Variants in THOC2 observed in about 807,000 individuals in gnomAD.
The protein encoded by THOC2 is THO complex subunit 2.
In THOC2, 10 loss-of-function variants were observed where a neutral mutation model predicts 128.4. The ratio of observed to expected loss-of-function variants is 0.08; its 90% CI spans 0.05 to 0.13. The LOEUF (loss-of-function observed/expected upper bound fraction) is 0.13, where lower values mean the gene tolerates loss of function less well. Ranked by LOEUF, THOC2 falls within the 10% of genes least tolerant of loss-of-function variation. The pLI is 1.00. For missense variants in THOC2, 535 were observed against 1,155.7 expected (o/e 0.46, Z 7.79); for synonymous variants, 393 against 396.9 (o/e 0.99, Z 0.12).
chrX:123,644,019 ATAAT>A (rs2048029877), intron 15 of THOC2, among the ~76,000 whole-genome samples: 1 of 112,630 alleles, frequency 8.9e-6, no homozygotes, highest in East Asian at 2.8e-4. Flanking sequence ...CATGATTTTC[ATAAT>A]TAAACTTCAA....
At chrX:123,685,014 T>A (rs905667394) in intron 8 of THOC2, among the ~76,000 whole-genome samples, 2 of 112,575 alleles carry the variant, frequency 1.8e-5, no homozygotes, top group African/African-American at 6.5e-5. Flanking sequence ...ACTAGCTGAC[T>A]ATCCCAGGCA....
At chrX:123,652,113 A>G (rs1051180761) in intron 12 of THOC2, among the ~76,000 whole-genome samples, 2 of 111,798 alleles carry the variant, frequency 1.8e-5, no homozygotes, top group Non-Finnish European at 3.8e-5. Flanking sequence ...CCGGGGATGC[A>G]AGGCTGGTTC....
In THOC2 at chrX:123,668,323, G is replaced by A; in HGVS notation, c.862-9C>T. Reference sequence around the variant, plus strand: ...TTATCAGCCGGAAGAAGCTAAAAATGGTACATTAAAATTTCATAAAATAGC... The same window carrying A: ...TTATCAGCCGGAAGAAGCTAAAAATAGTACATTAAAATTTCATAAAATAGC... On this transcript the variant is annotated splice_polypyrimidine_tract_variant and intron_variant, in intron 9 of 38. Transcript: ENST00000245838. 8.7e-7 allele frequency: 1 copy of A among 1,145,210 alleles called. No individual in the cohort carries two copies. The highest frequency in any genetic ancestry group is 1.2e-6 in the Non-Finnish European group (1 of 857,463). The allele number at this position is 1,145,210 out of a possible 1,213,427, so 94.4% of individuals were successfully genotyped here.
At chrX:123,696,526 C>A (rs1411615179) in intron 6 of THOC2, among the ~76,000 whole-genome samples, 195 bp downstream of exon 6, 1 of 111,071 alleles carries the variant, frequency 9.0e-6, no homozygotes, top group African/African-American at 3.3e-5. Context: ...GCAAAAGTAA[C>A]AATGGTTTTG....
intron 25 of THOC2, among the ~76,000 whole-genome samples, chrX:123,625,082 T>C (rs2047215516): frequency 9.0e-6 from 1 of 110,974 alleles, no homozygotes; most frequent in African/African-American, 3.3e-5. Flanking sequence ...ACATACATTA[T>C]GTTTTTTGTT....
At chrX:123,670,836 A>T (rs1350324231) in intron 9 of THOC2, among the ~76,000 whole-genome samples, 1 of 111,511 alleles carries the variant, frequency 9.0e-6, no homozygotes, top group Non-Finnish European at 1.9e-5. Context: ...ATAATGCAAA[A>T]TTTTTTTCTC....
At chrX:123,648,308 C>T (rs1182258621) in intron 12 of THOC2, among the ~76,000 whole-genome samples, 1 of 112,241 alleles carries the variant, frequency 8.9e-6, no homozygotes, top group Non-Finnish European at 1.9e-5. Flanking sequence ...GTCTTCACAA[C>T]CCACAGACCA....
Position 123,667,293 on chromosome X carries a change from T to C in THOC2, c.1018-15A>G. 8.6e-7 allele frequency: 1 copy of C among 1,165,594 alleles called. No individual in the cohort carries two copies. The highest frequency in any genetic ancestry group is 1.2e-6 in the Non-Finnish European group (1 of 864,448). Reference sequence around the variant, plus strand: ...TTATCAGGTGGCTAAAAATGAATAGTCAAAACTAAGATACTCAGGATACAG... The same window carrying C: ...TTATCAGGTGGCTAAAAATGAATAGCCAAAACTAAGATACTCAGGATACAG... On this transcript the variant is annotated splice_polypyrimidine_tract_variant and intron_variant, in intron 10 of 38. Coordinates refer to ENST00000245838, the MANE Select transcript of THOC2 (RefSeq NM_001081550.2).
chrX:123,604,220 C>T (rs991968696), intron 38 of THOC2, among the ~76,000 whole-genome samples: 49 of 111,777 alleles, frequency 4.4e-4, no homozygotes, highest in African/African-American at 1.5e-3. Flanking sequence ...TCACAGACAC[C>T]TATTGGTGCT....
chrX:123,669,725 T>C (rs2049190369), intron 9 of THOC2, among the ~76,000 whole-genome samples: 2 of 112,054 alleles, frequency 1.8e-5, no homozygotes, highest in Non-Finnish European at 3.8e-5. Flanking sequence ...AATATGTCAT[T>C]AGATACATGT....
intron 12 of THOC2, among the ~76,000 whole-genome samples, chrX:123,648,591 G>C (rs1196025573): frequency 1.8e-5 from 2 of 112,671 alleles, no homozygotes; most frequent in Admixed American, 9.4e-5. Flanking sequence ...CAGCACAGCA[G>C]TCTGAAGTCG....
At position 123,723,103 on chromosome X, in the gene THOC2, C is replaced by T. The variant is rs1278080193; in HGVS notation, c.71+9849G>A. 2.0e-4 allele frequency among the ~76,000 whole-genome samples: 22 copies of T among 110,474 alleles called. No individual in the cohort carries two copies. In the Admixed American group the frequency reaches 2.0e-3, roughly 10 times the overall value. ...CTGAGGCACAAGAATCGCTTGAACTCGGGAGGCAGAGGTTGCAGTGAGCCA... is the reference window on the plus strand; with the variant it reads ...CTGAGGCACAAGAATCGCTTGAACTTGGGAGGCAGAGGTTGCAGTGAGCCA... On this transcript the variant is annotated intron_variant, in intron 1 of 38. Coordinates refer to ENST00000245838, the MANE Select transcript of THOC2 (RefSeq NM_001081550.2).
chrX:123,630,342 G>A (rs1482479987), intron 22 of THOC2, among the ~76,000 whole-genome samples: 1 of 111,652 alleles, frequency 9.0e-6, no homozygotes, highest in African/African-American at 3.3e-5. Context: ...GCCAGGCACA[G>A]TGGCTCATGC....
intron 15 of THOC2, among the ~76,000 whole-genome samples, chrX:123,642,868 G>A (rs1200375044): frequency 1.8e-5 from 2 of 111,427 alleles, no homozygotes; most frequent in Admixed American, 1.9e-4. Context: ...AGTAGATGGA[G>A]GATGGAGTGA....
At chrX:123,605,599 G>A (rs1429374952) in intron 38 of THOC2, among the ~76,000 whole-genome samples, 1 of 110,213 alleles carries the variant, frequency 9.1e-6, no homozygotes, top group African/African-American at 3.4e-5. Context: ...CTATAAAATG[G>A]TGTGTTTGGT....
Position 123,699,928 on chromosome X carries a change from T to A in THOC2, c.275-2177A>T, listed in dbSNP as rs749885649. ...CAACAATCAGTACAGGACTCTATTATCCCAACTGTACCTTCCCTGGTTTCT... is the reference window on the plus strand; with the variant it reads ...CAACAATCAGTACAGGACTCTATTAACCCAACTGTACCTTCCCTGGTTTCT... On this transcript the variant is annotated intron_variant, in intron 4 of 38. Coordinates refer to ENST00000245838, the MANE Select transcript of THOC2 (RefSeq NM_001081550.2). Among the ~76,000 whole-genome samples, 4 of 112,226 alleles carry A rather than the reference T, an allele frequency of 3.6e-5. No homozygotes were observed. In the Admixed American group the frequency reaches 3.8e-4, roughly 11 times the overall value.
At chrX:123,656,493 G>A (rs1457712865) in intron 12 of THOC2, among the ~76,000 whole-genome samples, 2 of 110,901 alleles carry the variant, frequency 1.8e-5, no homozygotes, top group African/African-American at 3.3e-5. Context: ...TGTATCACTC[G>A]AGGCAAGGAG....
At chrX:123,666,185 T>C (rs2147800049) in intron 11 of THOC2, among the ~76,000 whole-genome samples, 2 of 112,086 alleles carry the variant, frequency 1.8e-5, no homozygotes, top group East Asian at 5.6e-4. Flanking sequence ...TATCGGGAAC[T>C]TGGATATGGG....
chrX:123,670,231 C>T (rs1159773051), intron 9 of THOC2, among the ~76,000 whole-genome samples: 1 of 112,461 alleles, frequency 8.9e-6, no homozygotes, highest in African/African-American at 3.2e-5. Flanking sequence ...TTAGCTTTCT[C>T]TATTCCATCC....
Sources: gnomAD v4.1 joint callset for allele counts (sites outside exome capture counted in the v4.1 genomes callset) on GRCh38, gnomAD v4.1.1 for gene constraint, MANE v1.5 for transcripts, NCBI Gene and HGNC (gene_info 2026-07-23, HGNC 2026-07-21) for gene names.